Variants in GRIA4 observed in about 807,000 individuals in gnomAD.
GRIA4 encodes the protein glutamate ionotropic receptor AMPA type subunit 4, also known as glutamate receptor 4.
In GRIA4, 34 loss-of-function variants were observed where a neutral mutation model predicts 104.0. That is an observed-to-expected ratio of 0.33 (90% confidence interval 0.25 to 0.44). The LOEUF (loss-of-function observed/expected upper bound fraction) is 0.44. Among genes scored for constraint, GRIA4 ranks in the 20% least tolerant of loss-of-function variants. The pLI is 1.00. For synonymous variants in GRIA4, 386 were observed against 381.9 expected, an observed-to-expected ratio of 1.01 and a Z score of -0.13; for missense variants, 750 against 1,096.5, an observed-to-expected ratio of 0.68 and a Z score of 4.46.
intron 14 of GRIA4, among the ~76,000 whole-genome samples, chr11:105,939,918 T>C (rs1017660029): frequency 6.6e-6 from 1 of 152,116 alleles, no homozygotes; most frequent in African/African-American, 2.4e-5. Context: ...GGAGGAACCA[T>C]TACCTTCTTC....
rs1385908357 is a variant in GRIA4, at chr11:105,898,303, A to G, written c.761A>G (p.His254Arg). ...GATATTTCTCTTGAGAGGTTTATAC[A>G]TGGTGGAGCCAATGTTACTGGATTC... ...FKDISLERFIHGGANVTGFQL... is the reference protein window; with the variant it reads ...FKDISLERFIRGGANVTGFQL... Residue 254 changes from histidine (H) to arginine (R), a missense_variant, in exon 7 of 17, where the codon CAT (histidine) becomes CGT (arginine). Coordinates refer to ENST00000282499, the MANE Select transcript of GRIA4 (RefSeq NM_000829.4). 1.9e-6 allele frequency: 3 copies of G among 1,569,332 alleles called. No individual in the cohort carries two copies. The highest frequency in any genetic ancestry group is 4.5e-5 in the East Asian group (2 of 44,554).
At chr11:105,948,595 G>GTTTTTTT (rs3060323) in intron 14 of GRIA4, among the ~76,000 whole-genome samples, 104 of 87,880 alleles carry the variant, frequency 1.2e-3, no homozygotes, top group Non-Finnish European at 1.6e-3. Flanking sequence ...TTTTCTTTTT[G>GTTTTTTT]TTTTTTTTTT....
chr11:105,855,443 TA>T (rs576625146), intron 4 of GRIA4, among the ~76,000 whole-genome samples: 314 of 152,138 alleles, frequency 2.1e-3, no homozygotes, highest in Middle Eastern at 0.014. Flanking sequence ...TAATGTGATA[TA>T]AAAAAGTATC....
chr11:105,832,125 G>C (rs1382871443), intron 4 of GRIA4, among the ~76,000 whole-genome samples: 1 of 151,900 alleles, frequency 6.6e-6, no homozygotes, highest in African/African-American at 2.4e-5. Flanking sequence ...AGAAGAGCCT[G>C]AAACAATAAC....
At chr11:105,953,984 T>C (rs542481229) in intron 14 of GRIA4, among the ~76,000 whole-genome samples, 1 of 152,298 alleles carries the variant, frequency 6.6e-6, no homozygotes, top group South Asian at 2.1e-4. Flanking sequence ...TAATTCAGCC[T>C]AAGGGAAAAG....
chr11:105,825,129 T>A (rs968570554), intron 4 of GRIA4, among the ~76,000 whole-genome samples: 1 of 152,028 alleles, frequency 6.6e-6, no homozygotes, highest in Non-Finnish European at 1.5e-5. Context: ...GCTAGGCCAA[T>A]GGAAATCACC....
At chr11:105,761,030 T>C (rs987707510) in intron 4 of GRIA4, among the ~76,000 whole-genome samples, 1 of 152,168 alleles carries the variant, frequency 6.6e-6, no homozygotes. Context: ...GCATTTTTAT[T>C]AAATTTCTGA....
chr11:105,790,322 T>G (rs762584380), intron 4 of GRIA4, among the ~76,000 whole-genome samples: 25 of 152,234 alleles, frequency 1.6e-4, no homozygotes, highest in Non-Finnish European at 3.4e-4. Flanking sequence ...CACGCTTTAG[T>G]AATTCACTGC....
At chr11:105,668,760 T>A (rs1178495386) in intron 3 of GRIA4, among the ~76,000 whole-genome samples, 1 of 148,628 alleles carries the variant, frequency 6.7e-6, no homozygotes, top group African/African-American at 2.5e-5. Flanking sequence ...CTCCCTCCCA[T>A]CATTTGCCTT....
intron 3 of GRIA4, among the ~76,000 whole-genome samples, chr11:105,624,544 G>A (rs942542187): frequency 6.6e-5 from 10 of 152,030 alleles, no homozygotes; most frequent in Admixed American, 5.9e-4. Flanking sequence ...AATCTCATGA[G>A]CAATTTGTTA....
rs78274584 is a variant in GRIA4 at position 105,776,382 on chromosome 11, G to A, written c.487+23162G>A. On this transcript the variant is annotated intron_variant, in intron 4 of 16. Transcript: ENST00000282499. ...AATCGTATTTTCAAAAAAATTATATGAATATATCAAACTTGTTTCAACATT... is the reference window on the plus strand; with the variant it reads ...AATCGTATTTTCAAAAAAATTATATAAATATATCAAACTTGTTTCAACATT... Among the ~76,000 whole-genome samples, 561 of 152,148 alleles carry A rather than the reference G, an allele frequency of 3.7e-3. 1 individual carries two copies. The highest frequency in any genetic ancestry group is 6.2e-3 in the Non-Finnish European group (424 of 67,992).
At chr11:105,958,581 T>G (rs1016697033) in intron 14 of GRIA4, among the ~76,000 whole-genome samples, 5 of 152,162 alleles carry the variant, frequency 3.3e-5, no homozygotes, top group Non-Finnish European at 5.9e-5. Flanking sequence ...TCTCTTTTTT[T>G]TTGTTGTGTC....
At chr11:105,726,668 G>A (rs749258985) in intron 3 of GRIA4, among the ~76,000 whole-genome samples, 27 of 152,092 alleles carry the variant, frequency 1.8e-4, no homozygotes, top group Non-Finnish European at 3.1e-4. Context: ...CCTCTGGAAC[G>A]AAGCTTCCAG....
chr11:105,662,007 T>TTGTGTGTGTGTG lies in GRIA4; in HGVS notation c.247+49580_247+49591dup, dbSNP rs34715406. On this transcript the variant is annotated intron_variant, in intron 3 of 16. Coordinates refer to ENST00000282499, the MANE Select transcript of GRIA4 (RefSeq NM_000829.4). The stretch of plus-strand genomic sequence containing the variant: ...TGAAGAAAACTGTGTGTGTGTGTGT[T>TTGTGTGTGTGTG]TGTGTGTGTGTGTGTGTGCACATCA... Among the ~76,000 whole-genome samples the TTGTGTGTGTGTG allele has an allele frequency of 1.4e-3, 203 of 149,956 alleles. 1 individual carries two copies. Among genetic ancestry groups the TTGTGTGTGTGTG allele is most frequent in the African/African-American group, 4.3e-3 (177 of 40,948 alleles).
At chr11:105,629,070 T>C (rs1223212297) in intron 3 of GRIA4, among the ~76,000 whole-genome samples, 1 of 79,834 alleles carries the variant, frequency 1.3e-5, no homozygotes, top group Non-Finnish European at 2.5e-5. Flanking sequence ...GTGAAACCAC[T>C]TCTCCACCAA....
Position 105,671,731 on chromosome 11 carries a change from A to ATATAT in GRIA4, c.247+59301_247+59305dup, listed in dbSNP as rs548381067. Among the ~76,000 whole-genome samples, 556 of 150,820 alleles carry ATATAT rather than the reference A, an allele frequency of 3.7e-3. 7 individuals are homozygous for ATATAT. Among genetic ancestry groups the ATATAT allele is most frequent in the Middle Eastern group, 6.9e-3 (2 of 288 alleles). On this transcript the variant is annotated intron_variant, in intron 3 of 16. Coordinates refer to ENST00000282499, the MANE Select transcript of GRIA4 (RefSeq NM_000829.4). ...AACTTTGGAATTAATTTTATAGTCA[A>ATATAT]TATATTATGGGAAGAAAAATTTTAC...
At chr11:105,748,168 C>A (rs1939776280) in intron 3 of GRIA4, among the ~76,000 whole-genome samples, 1 of 152,150 alleles carries the variant, frequency 6.6e-6, no homozygotes, top group African/African-American at 2.4e-5. Flanking sequence ...ACAGTTTAAC[C>A]GAGGGCATTT....
intron 6 of GRIA4, among the ~76,000 whole-genome samples, chr11:105,887,807 C>T (rs74623985): frequency 1.3e-5 from 2 of 152,104 alleles, no homozygotes; most frequent in African/African-American, 4.8e-5. Flanking sequence ...ATAATGGTTA[C>T]TTTGCTACGA....
chr11:105,844,410 A>G (rs1368545364), intron 4 of GRIA4, among the ~76,000 whole-genome samples: 1 of 152,242 alleles, frequency 6.6e-6, no homozygotes, highest in African/African-American at 2.4e-5. Context: ...ATTGAGACAT[A>G]GTAAATTATG....
Sources: gnomAD v4.1 joint callset for allele counts (sites outside exome capture counted in the v4.1 genomes callset) on GRCh38, gnomAD v4.1.1 for gene constraint, MANE v1.5 for transcripts, NCBI Gene and HGNC (gene_info 2026-07-23, HGNC 2026-07-21) for gene names.